The following PTPRQ variants were observed in gnomAD, a reference collection of about 807,000 sequenced individuals.
The protein encoded by PTPRQ is phosphatidylinositol phosphatase PTPRQ.
A neutral mutation model predicts 246.0 loss-of-function variants in PTPRQ; 199 were observed. That is an observed-to-expected ratio of 0.81 (90% CI 0.72 to 0.91). The LOEUF is 0.91. Ranked by LOEUF, PTPRQ falls within the 40% of genes least tolerant of loss-of-function variation. The pLI is 0.00. For synonymous variants in PTPRQ, 869 were observed against 853.2 expected, an observed-to-expected ratio of 1.02 and a Z score of -0.32; for missense variants, 2,624 against 2,528.4, an observed-to-expected ratio of 1.04 and a Z score of -0.81.
At chr12:80,546,455 C>A in intron 23 of PTPRQ, 101 bp from the exon 24 acceptor site, 2 of 1,136,210 alleles carry the variant, frequency 1.8e-6, no homozygotes, top group Non-Finnish European at 2.5e-6. Context: ...GCTTATTAAA[C>A]TATAGGTTAA....
At chr12:80,567,389 G>A (rs1274493850) in intron 25 of PTPRQ, among the ~76,000 whole-genome samples, 1 of 152,132 alleles carries the variant, frequency 6.6e-6, no homozygotes, top group Non-Finnish European at 1.5e-5. Context: ...GCAGTGACAT[G>A]TACAGAACTT....
intron 35 of PTPRQ, among the ~76,000 whole-genome samples, chr12:80,642,932 A>AACAAAAC (rs1565836947): frequency 2.3e-5 from 3 of 131,556 alleles, no homozygotes; most frequent in African/African-American, 7.1e-5. Flanking sequence ...AAAAAAAAAA[A>AACAAAAC]AAAAAAAAAA....
At position 80,510,354 on chromosome 12, in the gene PTPRQ, A is replaced by G. The variant is rs1336873882; in HGVS notation, c.2589A>G (p.Val863=). 1.9e-6 allele frequency: 3 copies of G among 1,549,990 alleles called. No homozygotes were observed. Among genetic ancestry groups the G allele is most frequent in the Admixed American group, 3.9e-5 (2 of 50,944 alleles). Residue 863 remains valine (V), a synonymous_variant, in exon 17 of 45, where the codon GTA becomes GTG. Coordinates refer to ENST00000644991, the MANE Select transcript of PTPRQ (RefSeq NM_001145026.2). The part of the protein sequence containing the change: ...APDSPPQDFS[V]KQLSGVTVKL... Reference sequence around the variant, plus strand: ...ATTCTCCCCCTCAAGACTTCTCTGTAAAACAGTTGTCTGGTGTCACGGTGA... The same window carrying G: ...ATTCTCCCCCTCAAGACTTCTCTGTGAAACAGTTGTCTGGTGTCACGGTGA...
At chr12:80,493,185 C>T in intron 9 of PTPRQ, 90 bp from the exon 10 acceptor site, 1 of 1,305,018 alleles carries the variant, frequency 7.7e-7, no homozygotes. Context: ...AGCATGATTC[C>T]AAAGTTATAG....
intron 6 of PTPRQ, among the ~76,000 whole-genome samples, chr12:80,463,661 T>C (rs201614376): frequency 5.4e-4 from 82 of 151,724 alleles, no homozygotes; most frequent in African/African-American, 1.5e-3. Context: ...AGACTAACAG[T>C]GGATCTCTCG....
chr12:80,651,450 A>G (rs779788388), intron 37 of PTPRQ, among the ~76,000 whole-genome samples: 1 of 152,080 alleles, frequency 6.6e-6, no homozygotes, highest in Admixed American at 6.6e-5. Context: ...TAAAGGAAAA[A>G]AGGTGTTCCA....
chr12:80,622,732 T>C (rs1416815026), intron 33 of PTPRQ, among the ~76,000 whole-genome samples: 1 of 152,088 alleles, frequency 6.6e-6, no homozygotes, highest in Admixed American at 6.6e-5. Context: ...AAATCTTGGC[T>C]CTGTCACTTG....
intron 17 of PTPRQ, among the ~76,000 whole-genome samples, chr12:80,533,289 A>T (rs1895895931): frequency 6.6e-6 from 1 of 151,894 alleles, no homozygotes; most frequent in Non-Finnish European, 1.5e-5. Context: ...ATAGTGTTAT[A>T]TTTTGTTCTT....
Position 80,619,393 on chromosome 12 carries a change from G to T in PTPRQ, c.5240G>T (p.Arg1747Leu). 1 of 1,546,550 alleles carries T rather than the reference G, an allele frequency of 6.5e-7. No homozygotes were observed. The highest frequency in any genetic ancestry group is 2.5e-5 in the East Asian group (1 of 40,744). Reference protein sequence around the residue: ...RITMDIKAPARPKTKPTPIYD... With the variant: ...RITMDIKAPALPKTKPTPIYD... ...TCTTCTTTGTTTATAGCTCCAGCAC[G>T]ACCAAAAACCAAACCAACCCCTATT... Residue 1747 changes from arginine to leucine, a missense_variant, in exon 31 of 45, where the codon CGA becomes CTA. Arg to Leu is a moderately radical substitution (Grantham distance 102, BLOSUM62 -2). Transcript: ENST00000644991.
chr12:80,654,075 T>C (rs796309527), intron 38 of PTPRQ, among the ~76,000 whole-genome samples: 3 of 151,978 alleles, frequency 2.0e-5, no homozygotes, highest in African/African-American at 7.2e-5. Flanking sequence ...CTTTCTTATC[T>C]CTCTTCCTTT....
chr12:80,551,254 C>T (rs749458647), intron 25 of PTPRQ, among the ~76,000 whole-genome samples: 4 of 152,070 alleles, frequency 2.6e-5, no homozygotes, highest in Non-Finnish European at 4.4e-5. Context: ...CTGTTCTTGA[C>T]AATCCATTGG....
At chr12:80,521,091 T>G (rs1895467233) in intron 17 of PTPRQ, among the ~76,000 whole-genome samples, 1 of 152,138 alleles carries the variant, frequency 6.6e-6, no homozygotes, top group Non-Finnish European at 1.5e-5. Flanking sequence ...TGGTTTTGAT[T>G]TGCATTTCTC....
chr12:80,650,366 C>A (rs1900217483), intron 37 of PTPRQ, among the ~76,000 whole-genome samples: 1 of 151,262 alleles, frequency 6.6e-6, no homozygotes, highest in Non-Finnish European at 1.5e-5. Context: ...TATTTAAAAA[C>A]ATAAGGTAGA....
In PTPRQ at chr12:80,504,592, A is replaced by G. The variant is rs986164996; in HGVS notation, c.2273-1432A>G. The stretch of plus-strand genomic sequence containing the variant: ...GTTTAGCGATTTTATCAGTGAGCTC[A>G]TATTCTTTGAAACTTTAGCTGTGAG... On this transcript the variant is annotated intron_variant, in intron 14 of 44. Coordinates refer to ENST00000644991, the MANE Select transcript of PTPRQ (RefSeq NM_001145026.2). Among the ~76,000 whole-genome samples the G allele has an allele frequency of 5.9e-5, 9 of 151,772 alleles. No homozygotes were observed. In the Admixed American group the frequency reaches 5.9e-4, roughly 10 times the overall value.
intron 17 of PTPRQ, among the ~76,000 whole-genome samples, chr12:80,531,370 G>T (rs959662463): frequency 1.3e-5 from 2 of 151,984 alleles, no homozygotes; most frequent in African/African-American, 4.8e-5. Context: ...AAGCTAATAA[G>T]AATAAAACAG....
intron 35 of PTPRQ, among the ~76,000 whole-genome samples, chr12:80,636,352 C>T (rs1899648152): frequency 6.6e-6 from 1 of 152,180 alleles, no homozygotes; most frequent in Non-Finnish European, 1.5e-5. Flanking sequence ...CAGGGTAACT[C>T]ATCTAAGTAA....
Position 80,669,130 on chromosome 12 carries a change from GA to G in PTPRQ, c.6321del (p.Gly2108AspfsTer22). ...KTLVMLTQCF[E>X]KGRIRCHQYW... ...ATTAGTAATGCTAACACAGTGTTTT[GA>G]AAAAGGACGGGTAAGTTATTTGAAA... On this transcript the variant is annotated frameshift_variant, in exon 40 of 45. Coordinates refer to ENST00000644991, the MANE Select transcript of PTPRQ (RefSeq NM_001145026.2). LOFTEE classifies it high-confidence loss of function. The G allele has an allele frequency of 6.5e-7, 1 of 1,544,248 alleles. No homozygotes were observed.
chr12:80,497,256 A>T (rs144939446), intron 14 of PTPRQ, among the ~76,000 whole-genome samples: 4 of 151,848 alleles, frequency 2.6e-5, no homozygotes, highest in Non-Finnish European at 5.9e-5. Flanking sequence ...CTGCAACTAG[A>T]TGGTCCTATC....
rs550962756 is a variant in PTPRQ at position 80,522,505 on chromosome 12, T to C, written c.2679-11510T>C. ...TATGATATTGGCTGTGGGTTTGTCATAGATAGCTCTTATTATTTTGAAATA... is the reference window on the plus strand; with the variant it reads ...TATGATATTGGCTGTGGGTTTGTCACAGATAGCTCTTATTATTTTGAAATA... On this transcript the variant is annotated intron_variant, in intron 17 of 44. Transcript: ENST00000644991. 1.6e-4 allele frequency among the ~76,000 whole-genome samples: 25 copies of C among 152,248 alleles called. No individual in the cohort carries two copies. In the East Asian group the frequency reaches 4.6e-3, roughly 28 times the overall value.
Sources: allele counts gnomAD v4.1 joint callset (sites outside exome capture counted in the v4.1 genomes callset), GRCh38; gene constraint gnomAD v4.1.1; transcripts MANE v1.5; gene names NCBI Gene and HGNC (gene_info 2026-07-23, HGNC 2026-07-21).